The following NHSL2 variants were observed in gnomAD, a reference collection of about 807,000 sequenced individuals.
NHSL2 encodes the protein NHS like 2, also known as NHS-like protein 2.
NHSL2 carries 27 observed loss-of-function variants against 53.4 expected under a neutral mutation model. The observed-to-expected ratio is 0.51, with a 90% CI of 0.37 to 0.70. NHSL2 has a LOEUF of 0.70. Among genes scored for constraint, NHSL2 ranks in the 30% least tolerant of loss-of-function variants. The pLI is 0.00. For missense variants in NHSL2, 892 were observed against 980.1 expected (o/e 0.91, Z 1.20); for synonymous variants, 408 against 404.1 (o/e 1.01, Z -0.12).
chrX:71,998,275 A>G (rs951457454), intron 1 of NHSL2, among the ~76,000 whole-genome samples: 4 of 112,508 alleles, frequency 3.6e-5, no homozygotes, highest in Non-Finnish European at 7.5e-5. Flanking sequence ...AGCAAAAACA[A>G]GTAAAGATCT....
At chrX:71,919,961 G>T (rs752807502) in intron 1 of NHSL2, among the ~76,000 whole-genome samples, 8 of 112,735 alleles carry the variant, frequency 7.1e-5, no homozygotes, top group Non-Finnish European at 1.3e-4. Flanking sequence ...ATGGCTCCTG[G>T]TTGAGCTCAC....
At chrX:71,949,038 A>T (rs1015394435) in intron 1 of NHSL2, among the ~76,000 whole-genome samples, 7 of 109,303 alleles carry the variant, frequency 6.4e-5, no homozygotes, top group African/African-American at 2.3e-4. Context: ...GATTACAAGC[A>T]TGAGCCACCG....
At chrX:71,920,071 T>C (rs886237296) in intron 1 of NHSL2, among the ~76,000 whole-genome samples, 14 of 112,514 alleles carry the variant, frequency 1.2e-4, no homozygotes, top group African/African-American at 4.2e-4. Flanking sequence ...GCAGTTTGCC[T>C]GAGGGCCCAG....
intron 1 of NHSL2, among the ~76,000 whole-genome samples, chrX:72,059,608 C>T (rs192656081): frequency 1.8e-5 from 2 of 111,915 alleles, no homozygotes; most frequent in African/African-American, 3.3e-5. Flanking sequence ...TCATTCTTTT[C>T]GAGTTCGACA....
rs144476295 is a variant in NHSL2 at position 72,152,196 on chromosome X, G to A, written c.*8622G>A. The A allele has an allele frequency of 0.027, 3,071 of 112,827 alleles. 106 individuals carry two copies. The highest frequency in any genetic ancestry group is 0.092 in the African/African-American group (2,841 of 30,905). 9.3% of individuals were successfully genotyped at this position (112,827 alleles called of 1,213,427 possible). ...CCATCTCCACCTCTAATGCTTCTTG[G>A]GAGTCTGAAGCTCAGATTCACATTT... On this transcript the variant is annotated 3_prime_UTR_variant, in exon 8 of 8. Coordinates refer to ENST00000633930, the MANE Select transcript of NHSL2 (RefSeq NM_001013627.3).
At chrX:72,031,158 AGACTGCAT>A (rs1688645306) in intron 1 of NHSL2, among the ~76,000 whole-genome samples, 1 of 111,765 alleles carries the variant, frequency 8.9e-6, no homozygotes, top group Non-Finnish European at 1.9e-5. Flanking sequence ...TCTGTGTAGG[AGACTGCAT>A]GGGGCTTAAT....
At chrX:72,136,318 C>T (rs1248608230) in intron 4 of NHSL2, among the ~76,000 whole-genome samples, 1 of 111,886 alleles carries the variant, frequency 8.9e-6, no homozygotes, top group Non-Finnish European at 1.9e-5. Context: ...GGAAATATTC[C>T]ATTTTAATTG....
chrX:72,081,537 C>G (rs1368774435), intron 1 of NHSL2, among the ~76,000 whole-genome samples: 1 of 111,904 alleles, frequency 8.9e-6, no homozygotes, highest in Non-Finnish European at 1.9e-5. Flanking sequence ...TCCACCTTCA[C>G]AACTTCTCAC....
At chrX:72,122,895 C>T (rs1381802560) in intron 1 of NHSL2, among the ~76,000 whole-genome samples, 2 of 113,110 alleles carry the variant, frequency 1.8e-5, no homozygotes, top group African/African-American at 3.2e-5. Context: ...ATGCAGCCTT[C>T]ATCTGCAAAG....
chrX:71,956,466 A>G (rs144032177), intron 1 of NHSL2, among the ~76,000 whole-genome samples: 280 of 111,921 alleles, frequency 2.5e-3, no homozygotes, highest in Non-Finnish European at 4.3e-3. Flanking sequence ...CATCAATAAA[A>G]TGGGATAGTT....
At chrX:72,080,630 C>T (rs770449347) in intron 1 of NHSL2, among the ~76,000 whole-genome samples, 1 of 110,018 alleles carries the variant, frequency 9.1e-6, no homozygotes, top group African/African-American at 3.3e-5. Flanking sequence ...CTTACTTCCT[C>T]TACTCTTGTC....
intron 1 of NHSL2, among the ~76,000 whole-genome samples, chrX:72,037,711 G>A (rs1252558720): frequency 8.9e-6 from 1 of 111,956 alleles, no homozygotes; most frequent in Admixed American, 9.4e-5. Flanking sequence ...TTCTACCAGT[G>A]CCCCCAGTGT....
intron 1 of NHSL2, among the ~76,000 whole-genome samples, chrX:72,123,723 T>C (rs1344372779): frequency 9.0e-6 from 1 of 111,731 alleles, no homozygotes. Context: ...TCGCCATGAG[T>C]TCACCTGCTG....
chrX:72,131,981 C>T, intron 1 of NHSL2, 98 bp from the exon 2 acceptor site: 1 of 854,525 alleles, frequency 1.2e-6, no homozygotes, highest in East Asian at 3.5e-5. Context: ...CCACCCCACG[C>T]AGGGGCGGGC....
At chrX:71,952,661 C>G (rs2041825998) in intron 1 of NHSL2, among the ~76,000 whole-genome samples, 1 of 110,661 alleles carries the variant, frequency 9.0e-6, no homozygotes, top group Non-Finnish European at 1.9e-5. Flanking sequence ...CTAAAGGCCT[C>G]ACCTCTTAAT....
At position 72,139,296 on chromosome X, in the gene NHSL2, G is replaced by A; in HGVS notation, c.1748G>A (p.Gly583Asp). 8.3e-7 allele frequency: 1 copy of A among 1,206,342 alleles called. No homozygotes were observed. ...GTCTCACTGGTCAAAGATGAGCCAGGCCTCTTGCCTGAAGGTGGGTCAGCA... is the reference window on the plus strand; with the variant it reads ...GTCTCACTGGTCAAAGATGAGCCAGACCTCTTGCCTGAAGGTGGGTCAGCA... ...RSVSLVKDEP[G>D]LLPEGGSALP... Residue 583 changes from glycine (G) to aspartate (D), a missense_variant, in exon 6 of 8, where the codon GGC (glycine) becomes GAC (aspartate). By Grantham distance (94) the Gly-to-Asp change is moderately conservative (BLOSUM62 -1). Coordinates refer to ENST00000633930, the MANE Select transcript of NHSL2 (RefSeq NM_001013627.3).
chrX:71,982,503 G>T (rs1278316567), intron 1 of NHSL2, among the ~76,000 whole-genome samples: 1 of 112,046 alleles, frequency 8.9e-6, no homozygotes, highest in Non-Finnish European at 1.9e-5. Flanking sequence ...CCAAGAATAG[G>T]GACTGGTCAC....
chrX:72,135,753 G>T (rs191518572), intron 4 of NHSL2, among the ~76,000 whole-genome samples: 1 of 112,415 alleles, frequency 8.9e-6, no homozygotes, highest in East Asian at 2.8e-4. Flanking sequence ...TGTCTATCTT[G>T]GCCAGGCACA....
At chrX:72,044,880 A>G in intron 1 of NHSL2, 1 of 900,209 alleles carries the variant, frequency 1.1e-6, no homozygotes, top group Middle Eastern at 3.9e-4. Flanking sequence ...GTCCCCCACC[A>G]AAGCCCATGT....
Sources: gnomAD v4.1 joint callset for allele counts (sites outside exome capture counted in the v4.1 genomes callset) on GRCh38, gnomAD v4.1.1 for gene constraint, MANE v1.5 for transcripts, NCBI Gene and HGNC (gene_info 2026-07-23, HGNC 2026-07-21) for gene names.